Variants in ARHGEF5 observed in about 807,000 individuals in gnomAD.
The protein encoded by ARHGEF5 is Rho guanine nucleotide exchange factor 5, also known as Rho guanine nucleotide exchange factor (GEF) 5.
ARHGEF5 carries 11 observed loss-of-function variants against 104.0 expected under a neutral mutation model. The observed-to-expected ratio is 0.11, with a 90% CI of 0.07 to 0.18. ARHGEF5 has a LOEUF of 0.18. ARHGEF5 is among the 10% of genes least tolerant of loss of function. ARHGEF5 has a pLI of 1.00. For missense variants in ARHGEF5, 165 were observed against 1,335.4 expected, an observed-to-expected ratio of 0.12 and a Z score of 13.66; for synonymous variants, 60 against 512.2, an observed-to-expected ratio of 0.12 and a Z score of 11.92.
intron 5 of ARHGEF5, among the ~76,000 whole-genome samples, chr7:144,370,601 G>C (rs1191733781): frequency 2.7e-5 from 4 of 150,394 alleles, no homozygotes; most frequent in African/African-American, 9.8e-5. Flanking sequence ...AAATAGCTGG[G>C]ACTACATGTG....
intron 1 of ARHGEF5, among the ~76,000 whole-genome samples, chr7:144,358,682 A>G: frequency 1.7e-5 from 1 of 58,562 alleles, no homozygotes; most frequent in South Asian, 1.1e-3. Flanking sequence ...CTTGTCACAT[A>G]CTACTCTGCA....
At position 144,365,778 on chromosome 7, in the gene ARHGEF5, CGGCAGGGCCTGCGCA is replaced by C; in HGVS notation, c.3111_3125del (p.Gln1038_Arg1042del). 3.0e-6 allele frequency: 1 copy of C among 338,906 alleles called. No individual in the cohort carries two copies. The highest frequency in any genetic ancestry group is 5.1e-6 in the Non-Finnish European group (1 of 197,756). 21.0% of individuals were successfully genotyped at this position (338,906 alleles called of 1,614,324 possible). A position where few individuals can be genotyped will look rare whatever the true frequency, so the allele number is the denominator to read the frequency against. ...GGCCAACAAGCACAAGGGCTGGAGCCGGCAGGGCCTGCGCAGACCTTCCATCTTGCCTGAGGGCTC... is the reference window on the plus strand; with the variant it reads ...GGCCAACAAGCACAAGGGCTGGAGCCGACCTTCCATCTTGCCTGAGGGCTC... On this transcript the variant is annotated inframe_deletion, in exon 2 of 15. Coordinates refer to ENST00000056217, the MANE Select transcript of ARHGEF5 (RefSeq NM_005435.4).
chr7:144,379,764 T>G (rs1421012122), intron 14 of ARHGEF5, 135 bp from the exon 15 acceptor site: 1 of 1,186,382 alleles, frequency 8.4e-7, no homozygotes, highest in Non-Finnish European at 1.2e-6. Context: ...TTAGGACACT[T>G]GGAGGCTGGG....
Position 144,361,138 on chromosome 7 carries a change from G to C in ARHGEF5, c.-12-1520G>C, listed in dbSNP as rs1451019911. On this transcript the variant is annotated intron_variant, in intron 1 of 14. Transcript: ENST00000056217. ...AGCTACTCGGGAGGCTGAGGCAGGAGAATGGCTTGAACCCGGAGATGGAGG... is the reference window on the plus strand; with the variant it reads ...AGCTACTCGGGAGGCTGAGGCAGGACAATGGCTTGAACCCGGAGATGGAGG... Among the ~76,000 whole-genome samples the C allele has an allele frequency of 1.1e-4, 15 of 140,858 alleles. 2 individuals are homozygous for C. Among genetic ancestry groups the C allele is most frequent in the Non-Finnish European group, 2.2e-4 (14 of 63,498 alleles). The allele number at this position is 140,858 out of a possible 152,430, so 92.4% of individuals were successfully genotyped here.
chr7:144,360,019 G>T (rs1410426182), intron 1 of ARHGEF5, among the ~76,000 whole-genome samples: 1 of 124,414 alleles, frequency 8.0e-6, no homozygotes, highest in Non-Finnish European at 1.7e-5. Context: ...AGCAGACGAG[G>T]TCAATAGCAC....
intron 1 of ARHGEF5, among the ~76,000 whole-genome samples, chr7:144,360,359 C>A (rs2053628832): frequency 9.9e-6 from 1 of 100,840 alleles, no homozygotes; most frequent in African/African-American, 3.7e-5. Context: ...AATCAACCTG[C>A]CTCAGCCTCC....
At position 144,377,499 on chromosome 7, in the gene ARHGEF5, C is replaced by A. The variant is rs543421284; in HGVS notation, c.4531+309C>A. The stretch of plus-strand genomic sequence containing the variant: ...GCCTAGATTTTACCTGCTTGAAGGT[C>A]TTGTTGGGGTAGGGGAAGAAAGCCT... On this transcript the variant is annotated intron_variant, in intron 13 of 14. Transcript: ENST00000056217. Among the ~76,000 whole-genome samples, 5 of 152,162 alleles carry A rather than the reference C, an allele frequency of 3.3e-5. No homozygotes were observed. In the South Asian group the frequency reaches 1.0e-3, roughly 32 times the overall value.
chr7:144,377,633 G>A (rs530542877), intron 13 of ARHGEF5, among the ~76,000 whole-genome samples: 2 of 152,198 alleles, frequency 1.3e-5, no homozygotes, highest in South Asian at 4.2e-4. Context: ...CCCATGGGGA[G>A]CCACAGGCAC....
chr7:144,380,234 G>T lies in ARHGEF5; in HGVS notation c.*178G>T. 1.4e-6 allele frequency: 1 copy of T among 730,210 alleles called. No homozygotes were observed. The highest frequency in any genetic ancestry group is 2.1e-5 in the South Asian group (1 of 47,932). 45.2% of individuals were successfully genotyped at this position (730,210 alleles called of 1,614,324 possible). A position where few individuals can be genotyped will look rare whatever the true frequency, so the allele number is the denominator to read the frequency against. On this transcript the variant is annotated 3_prime_UTR_variant, in exon 15 of 15. Transcript: ENST00000056217. ...AGGCCTCCTTTCGTGCTTTGTGCTT[G>T]GTGGGGGGGATTTCGAGGGACTTTG...
intron 12 of ARHGEF5, 75 bp downstream of exon 12, chr7:144,375,750 G>GA (rs1587072914): frequency 1.6e-6 from 1 of 609,262 alleles, no homozygotes; most frequent in East Asian, 2.8e-5. Flanking sequence ...GACCAAGGCA[G>GA]AAAATGTGTC....
intron 13 of ARHGEF5, among the ~76,000 whole-genome samples, chr7:144,378,084 T>C (rs1244098598): frequency 1.3e-5 from 2 of 152,228 alleles, no homozygotes; most frequent in African/African-American, 2.4e-5. Context: ...AGGTGAAGCA[T>C]TCTCTGAGGC....
intron 14 of ARHGEF5, among the ~76,000 whole-genome samples, chr7:144,379,281 G>A (rs562609855): frequency 2.8e-4 from 42 of 152,124 alleles, no homozygotes; most frequent in Non-Finnish European, 5.0e-4. Context: ...GTGCAGTGGC[G>A]CAATCTTGGC....
intron 10 of ARHGEF5, among the ~76,000 whole-genome samples, chr7:144,374,054 C>G (rs878891103): frequency 8.9e-6 from 1 of 112,534 alleles, no homozygotes; most frequent in Non-Finnish European, 1.9e-5. Context: ...GTTGGCCAAG[C>G]TGATCTCCAA....
chr7:144,377,532 G>A (rs1353158711), intron 13 of ARHGEF5, among the ~76,000 whole-genome samples: 1 of 152,088 alleles, frequency 6.6e-6, no homozygotes, highest in Non-Finnish European at 1.5e-5. Context: ...CCTGACGGTG[G>A]TAGAAGGTGT....
In ARHGEF5 at chr7:144,378,836, G is replaced by A; in HGVS notation, c.4606G>A (p.Val1536Met). The A allele has an allele frequency of 6.2e-7, 1 of 1,614,112 alleles. No individual in the cohort carries two copies. Among genetic ancestry groups the A allele is most frequent in the Non-Finnish European group, 8.5e-7 (1 of 1,179,986 alleles). ...NDELALEKAD[V>M]VMVTQQSSDG... ...TGAATTGGCACTGGAGAAAGCCGAC[G>A]TGGTGATGGTGACTCAGCAGAGCAG... Residue 1536 changes from valine (V) to methionine (M), a missense_variant, in exon 14 of 15, where the codon GTG becomes ATG. By Grantham distance (21) the Val-to-Met change is conservative. Transcript: ENST00000056217.
At chr7:144,378,596 C>T (rs1290120449) in intron 13 of ARHGEF5, among the ~76,000 whole-genome samples, 166 bp from the exon 14 acceptor site, 1 of 152,132 alleles carries the variant, frequency 6.6e-6, no homozygotes, top group Non-Finnish European at 1.5e-5. Flanking sequence ...TCTGGTATGT[C>T]TATTTCTTTA....
intron 13 of ARHGEF5, among the ~76,000 whole-genome samples, chr7:144,377,960 G>A (rs2053773293): frequency 6.6e-6 from 1 of 152,100 alleles, no homozygotes; most frequent in Admixed American, 6.5e-5. Context: ...ATGGCAGATG[G>A]GGAGGATCTT....
At chr7:144,378,951 G>A (rs528095795) in intron 14 of ARHGEF5, 85 bp downstream of exon 14, 1 of 1,327,730 alleles carries the variant, frequency 7.5e-7, no homozygotes, top group Admixed American at 1.7e-5. Context: ...CAGCTGCCAT[G>A]ACAAAGTACC....
intron 9 of ARHGEF5, among the ~76,000 whole-genome samples, 172 bp from the exon 10 acceptor site, chr7:144,373,023 C>T (rs2053734575): frequency 7.2e-6 from 1 of 139,802 alleles, no homozygotes; most frequent in Non-Finnish European, 1.6e-5. Flanking sequence ...GAATGTTCTG[C>T]CAAGTCATAC....
Sources: allele counts gnomAD v4.1 joint callset (sites outside exome capture counted in the v4.1 genomes callset), GRCh38; gene constraint gnomAD v4.1.1; transcripts MANE v1.5; gene names NCBI Gene and HGNC (gene_info 2026-07-23, HGNC 2026-07-21).